KCNMA1: variants seen among roughly 807,000 people sequenced by gnomAD.
KCNMA1 encodes the protein potassium calcium-activated channel subfamily M alpha 1.
Under a neutral mutation model 140.0 loss-of-function variants are expected in KCNMA1, and 29 were observed. The observed-to-expected ratio is 0.21, with a 90% CI of 0.15 to 0.28. The LOEUF is 0.28. KCNMA1 is among the 10% of genes least tolerant of loss of function. The pLI is 1.00. For synonymous variants in KCNMA1, 612 were observed against 611.9 expected (o/e 1.00, Z 0.00); for missense variants, 880 against 1,602.2 (o/e 0.55, Z 7.70).
At chr10:77,101,160 C>T (rs974310141) in intron 9 of KCNMA1, among the ~76,000 whole-genome samples, 3 of 152,044 alleles carry the variant, frequency 2.0e-5, no homozygotes, top group Admixed American at 2.0e-4. Context: ...GAAAGAAGTG[C>T]CCATGTCCCA....
At chr10:77,340,709 C>T (rs1207132438) in intron 2 of KCNMA1, among the ~76,000 whole-genome samples, 96 of 93,712 alleles carry the variant, frequency 1.0e-3, no homozygotes, top group African/African-American at 4.0e-3. Context: ...TGGGGCCTGT[C>T]GTGGGGTCGG....
intron 3 of KCNMA1, among the ~76,000 whole-genome samples, chr10:77,186,130 C>G (rs1185229716): frequency 6.6e-6 from 1 of 152,094 alleles, no homozygotes; most frequent in East Asian, 1.9e-4. Flanking sequence ...GGAATCTGTG[C>G]AGTAGAGGAA....
chr10:76,887,551 G>A (rs1461496223), intron 27 of KCNMA1, 36 bp from the exon 28 acceptor site: 1 of 1,612,886 alleles, frequency 6.2e-7, no homozygotes, highest in African/African-American at 1.3e-5. Context: ...CCTCCTGAGA[G>A]TAACTGAGTA....
chr10:77,534,226 A>G (rs2058348083), intron 1 of KCNMA1, among the ~76,000 whole-genome samples: 1 of 152,234 alleles, frequency 6.6e-6, no homozygotes, highest in Non-Finnish European at 1.5e-5. Flanking sequence ...ATAGCCAAAC[A>G]GCAGAAACAG....
intron 2 of KCNMA1, among the ~76,000 whole-genome samples, chr10:77,270,302 G>C (rs1407947316): frequency 6.6e-6 from 1 of 152,166 alleles, no homozygotes; most frequent in Admixed American, 6.5e-5. Flanking sequence ...CTCTATCCAT[G>C]TGGCAATTCC....
intron 23 of KCNMA1, among the ~76,000 whole-genome samples, chr10:76,916,037 C>T (rs919901304): frequency 2.0e-5 from 3 of 151,504 alleles, no homozygotes; most frequent in Admixed American, 6.6e-5. Context: ...CACACACACA[C>T]ACACACACAT....
At chr10:76,964,187 C>T (rs2072923381) in intron 20 of KCNMA1, among the ~76,000 whole-genome samples, 1 of 151,822 alleles carries the variant, frequency 6.6e-6, no homozygotes, top group East Asian at 1.9e-4. Flanking sequence ...TCCCTGGAGC[C>T]ACACTGACAA....
At chr10:77,516,971 T>G (rs1207237175) in intron 1 of KCNMA1, among the ~76,000 whole-genome samples, 25 of 138,290 alleles carry the variant, frequency 1.8e-4, no homozygotes, top group Admixed American at 5.2e-4. Context: ...AGGGTGTTTG[T>G]GGACATAGGG....
chr10:77,375,383 C>T (rs2095024876), intron 2 of KCNMA1, among the ~76,000 whole-genome samples: 1 of 152,224 alleles, frequency 6.6e-6, no homozygotes, highest in Non-Finnish European at 1.5e-5. Context: ...CTACTCAACA[C>T]TTCAGAACCT....
At chr10:77,435,764 G>T (rs1035743993) in intron 1 of KCNMA1, among the ~76,000 whole-genome samples, 4 of 152,188 alleles carry the variant, frequency 2.6e-5, no homozygotes, top group Non-Finnish European at 5.9e-5. Context: ...GACTGAATTA[G>T]ATTTCCAAAG....
intron 14 of KCNMA1, among the ~76,000 whole-genome samples, chr10:77,049,031 T>C (rs1240966337): frequency 6.6e-6 from 1 of 152,192 alleles, no homozygotes; most frequent in Non-Finnish European, 1.5e-5. Context: ...CCCAAAGTGC[T>C]GAGATTACAG....
At chr10:76,907,756 G>C (rs550993117) in intron 25 of KCNMA1, among the ~76,000 whole-genome samples, 1 of 152,198 alleles carries the variant, frequency 6.6e-6, no homozygotes, top group South Asian at 2.1e-4. Flanking sequence ...GCCCAGGCTG[G>C]TCTCAAACTC....
chr10:77,241,241 T>G (rs1030232777), intron 3 of KCNMA1, among the ~76,000 whole-genome samples: 6 of 152,192 alleles, frequency 3.9e-5, no homozygotes, highest in African/African-American at 1.4e-4. Context: ...CAGCAGGCAG[T>G]GCAGGCACAG....
chr10:77,273,114 T>C (rs535655898), intron 2 of KCNMA1, among the ~76,000 whole-genome samples: 1 of 152,350 alleles, frequency 6.6e-6, no homozygotes, highest in East Asian at 1.9e-4. Context: ...TTTGTAAATA[T>C]CTTCTATAAG....
chr10:77,592,649 C>T (rs2079563477), intron 1 of KCNMA1, among the ~76,000 whole-genome samples: 1 of 152,192 alleles, frequency 6.6e-6, no homozygotes, highest in Non-Finnish European at 1.5e-5. Context: ...GGGCAAGACC[C>T]AGAGGCAGGA....
intron 5 of KCNMA1, among the ~76,000 whole-genome samples, chr10:77,148,750 C>CA (rs1564825756): frequency 6.6e-6 from 1 of 152,136 alleles, no homozygotes; most frequent in African/African-American, 2.4e-5. Flanking sequence ...ACAGATGATA[C>CA]AAAAATGAAT....
At chr10:77,538,183 T>C (rs993362937) in intron 1 of KCNMA1, among the ~76,000 whole-genome samples, 32 of 151,174 alleles carry the variant, frequency 2.1e-4, no homozygotes, top group Non-Finnish European at 7.4e-5. Flanking sequence ...ACACATACAC[T>C]AGACACACTC....
intron 16 of KCNMA1, among the ~76,000 whole-genome samples, chr10:77,024,289 A>G (rs973442604): frequency 2.6e-5 from 4 of 152,152 alleles, no homozygotes; most frequent in Non-Finnish European, 5.9e-5. Context: ...GATCATATCA[A>G]TAATACCAAA....
chr10:76,901,733 G>C (rs1288751732), intron 25 of KCNMA1: 1 of 152,208 alleles, frequency 6.6e-6, no homozygotes, highest in African/African-American at 2.4e-5. Context: ...TCATATCTCT[G>C]AGCATAATTG....
Sources: allele counts gnomAD v4.1 joint callset (sites outside exome capture counted in the v4.1 genomes callset), GRCh38; gene constraint gnomAD v4.1.1; transcripts MANE v1.5; gene names NCBI Gene and HGNC (gene_info 2026-07-23, HGNC 2026-07-21).